Variants in AXDND1 observed in about 807,000 individuals in gnomAD.
AXDND1 encodes axonemal dynein light chain domain containing 1.
Under a neutral mutation model 137.5 loss-of-function variants are expected in AXDND1, and 110 were observed. The observed-to-expected ratio is 0.80, with a 90% CI of 0.69 to 0.94. The LOEUF (loss-of-function observed/expected upper bound fraction) is 0.94. Among genes scored for constraint, AXDND1 ranks in the 40% least tolerant of loss-of-function variants. The pLI, the probability that AXDND1 is intolerant of heterozygous loss-of-function variation, is 0.00. For missense variants in AXDND1, 1,191 were observed against 1,169.8 expected (o/e 1.02, Z -0.26); for synonymous variants, 414 against 399.7 (o/e 1.04, Z -0.43).
At chr1:179,454,057 T>TG (rs1287248515) in intron 16 of AXDND1, 3 of 152,170 alleles carry the variant, frequency 2.0e-5, no homozygotes, top group Non-Finnish European at 4.4e-5. Context: ...ATTAAGACTT[T>TG]GGGGGGACTG....
At chr1:179,464,485 C>A (rs1662838266) in intron 16 of AXDND1, among the ~76,000 whole-genome samples, 1 of 152,172 alleles carries the variant, frequency 6.6e-6, no homozygotes, top group African/African-American at 2.4e-5. Context: ...AAGAGATCCG[C>A]TTTTAATCTG....
At chr1:179,470,930 C>G (rs1011178133) in intron 17 of AXDND1, among the ~76,000 whole-genome samples, 6 of 151,552 alleles carry the variant, frequency 4.0e-5, no homozygotes. Flanking sequence ...TCTTCTATTC[C>G]TAATTTGTTG....
chr1:179,400,509 A>C (rs1187808761), intron 11 of AXDND1, among the ~76,000 whole-genome samples: 2 of 151,908 alleles, frequency 1.3e-5, no homozygotes, highest in Non-Finnish European at 2.9e-5. Context: ...AAATCTCACA[A>C]ATCACCACTA....
At chr1:179,494,838 G>T (rs930733983) in intron 20 of AXDND1, among the ~76,000 whole-genome samples, 6 of 152,106 alleles carry the variant, frequency 3.9e-5, no homozygotes, top group African/African-American at 1.4e-4. Flanking sequence ...AGAGTTTTAG[G>T]CATTATATTC....
chr1:179,529,205 C>T (rs1222302308), intron 23 of AXDND1, among the ~76,000 whole-genome samples: 1 of 152,206 alleles, frequency 6.6e-6, no homozygotes, highest in Non-Finnish European at 1.5e-5. Flanking sequence ...TATGGATGGG[C>T]TTTATCCCAC....
intron 15 of AXDND1, among the ~76,000 whole-genome samples, chr1:179,440,175 TA>T (rs936344664): frequency 1.3e-5 from 2 of 152,236 alleles, no homozygotes; most frequent in African/African-American, 2.4e-5. Context: ...GCCCACTCTA[TA>T]ATGCCTTGTC....
Position 179,487,745 on chromosome 1 carries a change from G to A in AXDND1, c.2092-3793G>A, listed in dbSNP as rs1233407825. Among the ~76,000 whole-genome samples, 5 of 148,092 alleles carry A rather than the reference G, an allele frequency of 3.4e-5. 1 individual carries two copies. Among genetic ancestry groups the A allele is most frequent in the African/African-American group, 1.0e-4 (4 of 38,762 alleles). ...GCGTGATGGCTCATGCCTGTAACTC[G>A]ACACTTTGTAAGGCCAAGGTGGGAG... On this transcript the variant is annotated intron_variant, in intron 18 of 25. Transcript: ENST00000367618.
At chr1:179,457,217 C>T (rs1189346001) in intron 16 of AXDND1, 4 of 733,668 alleles carry the variant, frequency 5.5e-6, no homozygotes, top group Non-Finnish European at 7.4e-6. Context: ...AGTCCATGAG[C>T]ATTCCTCATT....
At chr1:179,503,784 C>T (rs951840804) in intron 20 of AXDND1, among the ~76,000 whole-genome samples, 2 of 152,024 alleles carry the variant, frequency 1.3e-5, no homozygotes, top group African/African-American at 4.8e-5. Context: ...TCAATTCCCA[C>T]CTATGATTGA....
At chr1:179,542,692 G>A (rs1672278789) in intron 25 of AXDND1, among the ~76,000 whole-genome samples, 1 of 152,184 alleles carries the variant, frequency 6.6e-6, no homozygotes, top group Non-Finnish European at 1.5e-5. Context: ...TGGAATGTGG[G>A]ACTTTAGTTT....
At chr1:179,411,406 G>A in intron 12 of AXDND1, 140 bp downstream of exon 12, 2 of 1,158,676 alleles carry the variant, frequency 1.7e-6, no homozygotes, top group Non-Finnish European at 2.4e-6. Flanking sequence ...ATTCAGTGAT[G>A]TGATCTCGGC....
Position 179,491,537 on chromosome 1 carries a change from G to T in AXDND1, c.2092-1G>T. 6.3e-7 allele frequency: 1 copy of T among 1,581,748 alleles called. No homozygotes were observed. Among genetic ancestry groups the T allele is most frequent in the South Asian group, 1.1e-5 (1 of 88,384 alleles). On this transcript the variant is annotated splice_acceptor_variant, in intron 18 of 25. Coordinates refer to ENST00000367618, the MANE Select transcript of AXDND1 (RefSeq NM_144696.6). LOFTEE classifies it high-confidence loss of function. ...TTTGTATTATACTCATTTTTTAACAGATGGATGAGTTACATATATCTATGA... is the reference window on the plus strand; with the variant it reads ...TTTGTATTATACTCATTTTTTAACATATGGATGAGTTACATATATCTATGA...
chr1:179,397,108 A>T (rs1462659259), intron 11 of AXDND1, among the ~76,000 whole-genome samples: 2 of 152,154 alleles, frequency 1.3e-5, no homozygotes, highest in African/African-American at 4.8e-5. Flanking sequence ...GTGTTTTTTA[A>T]TAGCAGCTGG....
intron 6 of AXDND1, among the ~76,000 whole-genome samples, chr1:179,382,113 G>A (rs534991421): frequency 2.0e-5 from 3 of 148,008 alleles, no homozygotes; most frequent in African/African-American, 7.5e-5. Context: ...ACAGAGTCTC[G>A]CTCTGTCATG....
intron 4 of AXDND1, among the ~76,000 whole-genome samples, chr1:179,373,637 C>T (rs1174305859): frequency 6.6e-6 from 1 of 151,974 alleles, no homozygotes; most frequent in African/African-American, 2.4e-5. Flanking sequence ...ATATATAGAC[C>T]AACGGAACAG....
intron 17 of AXDND1, among the ~76,000 whole-genome samples, chr1:179,471,779 T>C (rs1158799834): frequency 6.6e-6 from 1 of 152,214 alleles, no homozygotes; most frequent in Non-Finnish European, 1.5e-5. Context: ...TTTTCCATAG[T>C]CTTAAGTTGA....
chr1:179,448,247 A>C (rs1437156860), intron 16 of AXDND1: 8 of 788,632 alleles, frequency 1.0e-5, no homozygotes, highest in Non-Finnish European at 1.8e-5. Context: ...TATATTCTGT[A>C]TACTTGAGAA....
At chr1:179,551,712 G>A in intron 25 of AXDND1, 1 of 470,476 alleles carries the variant, frequency 2.1e-6, no homozygotes, top group Non-Finnish European at 3.8e-6. Context: ...GCATCTGGTG[G>A]GCCTTGAAAG....
chr1:179,535,064 A>G, intron 25 of AXDND1, 102 bp downstream of exon 25: 1 of 1,527,648 alleles, frequency 6.5e-7, no homozygotes. Flanking sequence ...ATTTGGTGCT[A>G]ATCTACTAGT....
Sources: gnomAD v4.1 joint callset for allele counts (sites outside exome capture counted in the v4.1 genomes callset) on GRCh38, gnomAD v4.1.1 for gene constraint, MANE v1.5 for transcripts, NCBI Gene and HGNC (gene_info 2026-07-23, HGNC 2026-07-21) for gene names.